The following TAF1 variants were observed in gnomAD, a reference collection of about 807,000 sequenced individuals.
TAF1 encodes the protein transcription initiation factor TFIID subunit 1.
A neutral mutation model predicts 138.5 loss-of-function variants in TAF1; 2 were observed. That is an observed-to-expected ratio of 0.01 (90% CI 0.01 to 0.05). TAF1 has a LOEUF of 0.05. TAF1 is among the 10% of genes least tolerant of loss of function. The pLI is 1.00. For synonymous variants in TAF1, 437 were observed against 503.2 expected, an observed-to-expected ratio of 0.87 and a Z score of 1.76; for missense variants, 709 against 1,478.0, an observed-to-expected ratio of 0.48 and a Z score of 8.53.
intron 32 of TAF1, among the ~76,000 whole-genome samples, chrX:71,445,858 C>G (rs2037669248): frequency 9.0e-6 from 1 of 110,792 alleles, no homozygotes; most frequent in African/African-American, 3.3e-5. Flanking sequence ...AACCATTCTC[C>G]TATTGATAGG....
intron 13 of TAF1, among the ~76,000 whole-genome samples, chrX:71,511,840 A>T (rs957482765): frequency 3.6e-5 from 4 of 110,720 alleles, no homozygotes; most frequent in Middle Eastern, 4.6e-3. Flanking sequence ...ACATGGTGAG[A>T]TGCTGTCTCT....
rs780357611 is a variant in TAF1, at chrX:71,410,235, ACT to A, written c.4384+2085_4384+2086del. On this transcript the variant is annotated intron_variant, in intron 28 of 37. Transcript: ENST00000423759. ...ACCATAAGAAATCTTTAAAATGGAT[ACT>A]GTTATAACCCTCATTTTCCAGATGA... Among the ~76,000 whole-genome samples, 15 of 110,112 alleles carry A rather than the reference ACT, an allele frequency of 1.4e-4. No homozygotes were observed. In the East Asian group the frequency reaches 4.3e-3, roughly 31 times the overall value.
At chrX:71,486,052 T>C (rs1252981981) in intron 13 of TAF1, among the ~76,000 whole-genome samples, 7 of 109,611 alleles carry the variant, frequency 6.4e-5, no homozygotes, top group Non-Finnish European at 9.5e-5. Flanking sequence ...CTCTGCTCAC[T>C]GCACCCTCCA....
Position 71,378,949 on chromosome X carries a change from G to C in TAF1, c.1278G>C (p.Gly426=). The change falls in exon 8 of 38, where the codon GGG becomes GGC. Residue 426 remains glycine, a synonymous_variant. Coordinates refer to ENST00000423759, the MANE Select transcript of TAF1 (RefSeq NM_004606.5). The stretch of plus-strand genomic sequence containing the variant: ...ATGGGGAGGATGTCAAACACAAAGG[G>C]ACAAAACCTCAGCGTGCAAGCCTGG... The part of the protein sequence containing the change: ...IWDGEDVKHK[G]TKPQRASLAG... 8.3e-7 allele frequency: 1 copy of C among 1,210,824 alleles called. No individual in the cohort carries two copies. Among genetic ancestry groups the C allele is most frequent in the Non-Finnish European group, 1.1e-6 (1 of 895,408 alleles).
chrX:71,383,951 G>C lies in TAF1; in HGVS notation c.1948-11G>C, dbSNP rs779511019. The C allele has an allele frequency of 1.2e-5, 15 of 1,207,303 alleles. No individual in the cohort carries two copies. Among genetic ancestry groups the C allele is most frequent in the Admixed American group, 2.2e-5 (1 of 45,211 alleles). On this transcript the variant is annotated splice_polypyrimidine_tract_variant and intron_variant, in intron 12 of 37. Coordinates refer to ENST00000423759, the MANE Select transcript of TAF1 (RefSeq NM_004606.5). ...TCAGGAGCTAGATGGTATTTTCTTTGTTCTGGACAGATGAGAGAACAAGAG... is the reference window on the plus strand; with the variant it reads ...TCAGGAGCTAGATGGTATTTTCTTTCTTCTGGACAGATGAGAGAACAAGAG...
At chrX:71,473,107 G>T (rs1214270600) in intron 13 of TAF1, among the ~76,000 whole-genome samples, 1 of 111,998 alleles carries the variant, frequency 8.9e-6, no homozygotes, top group Non-Finnish European at 1.9e-5. Flanking sequence ...ATGAGATACA[G>T]CATTTGCCCT....
intron 13 of TAF1, among the ~76,000 whole-genome samples, chrX:71,519,859 G>A (rs984744345): frequency 1.8e-5 from 2 of 110,148 alleles, no homozygotes; most frequent in Non-Finnish European, 3.8e-5. Context: ...AGGCCGGAGT[G>A]CAGTGGCTCG....
rs746812952 is a variant in TAF1 at position 71,377,722 on chromosome X, G to A, written c.834G>A (p.Glu278=). The change falls in exon 6 of 38, where the codon GAG becomes GAA. Residue 278 remains glutamate (E), a synonymous_variant. Transcript: ENST00000423759. ...TGATACAGGAAGAGCAGATCCAGGA[G>A]GTGGAGTGCTCAGTAGAATCAGAAG... ...RELIQEEQIQ[E]VECSVESEVS... 9.9e-6 allele frequency: 12 copies of A among 1,209,818 alleles called. No individual in the cohort carries two copies. In the East Asian group the frequency reaches 2.4e-4, roughly 24 times the overall value.
chrX:71,452,877 A>G (rs919307084), intron 32 of TAF1, among the ~76,000 whole-genome samples: 28 of 112,497 alleles, frequency 2.5e-4, no homozygotes, highest in Non-Finnish European at 4.5e-4. Flanking sequence ...CGGCCAACAC[A>G]GCGAAACCCG....
intron 32 of TAF1, among the ~76,000 whole-genome samples, chrX:71,434,076 A>T (rs371966201): frequency 8.9e-6 from 1 of 112,072 alleles, no homozygotes; most frequent in Non-Finnish European, 1.9e-5. Context: ...AATTAATAGT[A>T]ACAAAGTCCA....
chrX:71,478,925 G>T (rs961842249), intron 13 of TAF1, among the ~76,000 whole-genome samples: 1 of 112,260 alleles, frequency 8.9e-6, no homozygotes, highest in Non-Finnish European at 1.9e-5. Context: ...GTGAGCCACT[G>T]CACCTAGCTG....
At position 71,459,234 on chromosome X, in the gene TAF1, C is replaced by T. The variant is rs774030378; in HGVS notation, c.5065-318C>T. On this transcript the variant is annotated intron_variant, in intron 35 of 37. Transcript: ENST00000423759. Reference sequence around the variant, plus strand: ...TGATGATGAGGAGGAGGATGGGAAACCTAAGACTCCAGCCCCAGTGAGTAT... The same window carrying T: ...TGATGATGAGGAGGAGGATGGGAAATCTAAGACTCCAGCCCCAGTGAGTAT... 15 of 1,123,857 alleles carry T rather than the reference C, an allele frequency of 1.3e-5. 1 individual carries two copies. The South Asian group carries it at 2.7e-4, about 20-fold the overall frequency. 92.6% of individuals were successfully genotyped at this position (1,123,857 alleles called of 1,213,427 possible). A position where few individuals can be genotyped will look rare whatever the true frequency, so the allele number is the denominator to read the frequency against.
At chrX:71,407,885 C>T in intron 27 of TAF1, 89 bp from the exon 28 acceptor site, 1 of 1,096,039 alleles carries the variant, frequency 9.1e-7, no homozygotes, top group Non-Finnish European at 1.2e-6. Context: ...GTGTTGATAG[C>T]CAGGTAGATA....
intron 3 of TAF1, among the ~76,000 whole-genome samples, chrX:71,368,460 G>A (rs2032739339): frequency 9.0e-6 from 1 of 111,397 alleles, no homozygotes; most frequent in Admixed American, 9.7e-5. Flanking sequence ...TACCTACAGG[G>A]TTTGTGAGAT....
intron 32 of TAF1, among the ~76,000 whole-genome samples, chrX:71,451,984 C>T (rs1397768775): frequency 8.9e-6 from 1 of 112,548 alleles, no homozygotes; most frequent in Non-Finnish European, 1.9e-5. Flanking sequence ...TCTCAATGAG[C>T]TGTTGGGTAC....
At chrX:71,388,131 C>T in intron 15 of TAF1, 106 bp from the exon 16 acceptor site, 1 of 1,080,962 alleles carries the variant, frequency 9.3e-7, no homozygotes, top group Non-Finnish European at 1.2e-6. Context: ...TTTGGGAGCA[C>T]ATCGGGAAAG....
At chrX:71,433,655 TA>T (rs1474068674) in intron 32 of TAF1, among the ~76,000 whole-genome samples, 1 of 111,340 alleles carries the variant, frequency 9.0e-6, no homozygotes, top group African/African-American at 3.3e-5. Flanking sequence ...AGAGTTTAAA[TA>T]TTTTTTTACT....
chrX:71,386,783 A>C (rs151151442), intron 14 of TAF1, among the ~76,000 whole-genome samples: 325 of 112,969 alleles, frequency 2.9e-3, no homozygotes, highest in Non-Finnish European at 4.2e-3. Flanking sequence ...TTTTTTAATT[A>C]GTTTAATAAT....
intron 25 of TAF1, among the ~76,000 whole-genome samples, chrX:71,406,345 AAG>A (rs1491264853): frequency 2.7e-4 from 28 of 102,494 alleles, no homozygotes; most frequent in African/African-American, 1.0e-3. Flanking sequence ...AAAAAAAAAA[AAG>A]AGAATGTTGG....
Sources: gnomAD v4.1 joint callset for allele counts (sites outside exome capture counted in the v4.1 genomes callset) on GRCh38, gnomAD v4.1.1 for gene constraint, MANE v1.5 for transcripts, NCBI Gene and HGNC (gene_info 2026-07-23, HGNC 2026-07-21) for gene names.